The following ATP2C1 variants were observed in gnomAD, a reference collection of about 807,000 sequenced individuals.
ATP2C1 encodes ATPase secretory pathway Ca2+ transporting 1, also known as calcium-transporting ATPase type 2C member 1.
In ATP2C1, 31 loss-of-function variants were observed where a neutral mutation model predicts 120.5. The ratio of observed to expected loss-of-function variants is 0.26; its 90% confidence interval spans 0.19 to 0.35. The LOEUF (loss-of-function observed/expected upper bound fraction) is 0.35, where lower values mean the gene tolerates loss of function less well. ATP2C1 is among the 10% of genes least tolerant of loss of function. The pLI is 1.00. For synonymous variants in ATP2C1, 351 were observed against 358.7 expected (o/e 0.98, Z 0.24); for missense variants, 731 against 1,107.5 (o/e 0.66, Z 4.83).
intron 2 of ATP2C1, among the ~76,000 whole-genome samples, chr3:130,905,298 A>G (rs1032583586): frequency 2.0e-5 from 3 of 152,092 alleles, no homozygotes; most frequent in Non-Finnish European, 4.4e-5. Context: ...TATATAAATA[A>G]AAAACTGCCA....
Position 130,867,573 on chromosome 3 carries a change from G to C in ATP2C1, c.108+16645G>C, listed in dbSNP as rs1402423590. ...TCCCGAGGTGCCGGGATTGCAGACG[G>C]AGTCTCATTCACTCAGTGCTCAATG... On this transcript the variant is annotated intron_variant, in intron 1 of 26. Transcript: ENST00000504381. Among the ~76,000 whole-genome samples, 7 of 147,960 alleles carry C rather than the reference G, an allele frequency of 4.7e-5. No individual in the cohort carries two copies. In the South Asian group the frequency reaches 1.1e-3, roughly 23 times the overall value.
chr3:130,997,858 C>T (rs1395447718), intron 25 of ATP2C1, 105 bp downstream of exon 25: 7 of 1,187,498 alleles, frequency 5.9e-6, no homozygotes, highest in Admixed American at 1.9e-5. Context: ...GTTAAGGGAG[C>T]TCTTTTAGTG....
intron 8 of ATP2C1, among the ~76,000 whole-genome samples, chr3:130,946,681 TACTCAATG>T (rs1405599698): frequency 1.3e-5 from 2 of 152,242 alleles, no homozygotes; most frequent in Non-Finnish European, 2.9e-5. Context: ...ATGTTCCATT[TACTCAATG>T]AAAAAATACT....
intron 12 of ATP2C1, chr3:130,963,043 T>TTATGTCCTTATTTCTAGCAGATCA (rs1559980857): frequency 3.9e-5 from 6 of 152,032 alleles, no homozygotes; most frequent in African/African-American, 1.4e-4. Flanking sequence ...GTTAAATTGC[T>TTATGTCCTTATTTCTAGCAGATCA]TATGTCCTTA....
chr3:130,918,417 G>A, intron 2 of ATP2C1: 1 of 1,067,376 alleles, frequency 9.4e-7, no homozygotes, highest in East Asian at 2.4e-5. Context: ...CTTCTCAGCA[G>A]CATGTACGGA....
intron 17 of ATP2C1, among the ~76,000 whole-genome samples, chr3:130,971,660 G>C (rs1330671130): frequency 1.3e-5 from 2 of 152,110 alleles, no homozygotes; most frequent in Admixed American, 6.5e-5. Flanking sequence ...TGAAGGCAGG[G>C]AGTAAGGCAT....
chr3:130,906,691 TCC>T (rs2058140812), intron 2 of ATP2C1, among the ~76,000 whole-genome samples: 1 of 151,040 alleles, frequency 6.6e-6, no homozygotes. Flanking sequence ...TTTTTTTTTT[TCC>T]ATTGCATCCT....
At chr3:130,879,215 C>A (rs1457330948) in intron 1 of ATP2C1, among the ~76,000 whole-genome samples, 1 of 152,132 alleles carries the variant, frequency 6.6e-6, no homozygotes, top group Non-Finnish European at 1.5e-5. Flanking sequence ...GCACATGCCA[C>A]CATGCACAGC....
intron 8 of ATP2C1, among the ~76,000 whole-genome samples, chr3:130,953,541 C>T (rs1174975774): frequency 6.6e-6 from 1 of 152,082 alleles, no homozygotes; most frequent in Non-Finnish European, 1.5e-5. Context: ...AAGATTGAGT[C>T]TTAGCTAGTG....
chr3:131,016,615 A>G, exon 27 of ATP2C1: 2 of 443,414 alleles, frequency 4.5e-6, no homozygotes, highest in Non-Finnish European at 4.1e-6. Context: ...GACCATAAAC[A>G]TGTCTGCATT....
intron 12 of ATP2C1, among the ~76,000 whole-genome samples, chr3:130,961,059 T>C (rs2060795700): frequency 6.6e-6 from 1 of 151,830 alleles, no homozygotes; most frequent in South Asian, 2.1e-4. Context: ...ATATTTGTGA[T>C]ATAGTGAAAG....
At chr3:130,907,974 A>G (rs1375543302) in intron 2 of ATP2C1, among the ~76,000 whole-genome samples, 1 of 152,074 alleles carries the variant, frequency 6.6e-6, no homozygotes, top group Non-Finnish European at 1.5e-5. Context: ...ATAGAAGGCC[A>G]AAAGGTACAT....
chr3:130,866,607 T>C (rs2068184620), intron 1 of ATP2C1, among the ~76,000 whole-genome samples: 1 of 152,230 alleles, frequency 6.6e-6, no homozygotes, highest in South Asian at 2.1e-4. Flanking sequence ...AACTTTGTTC[T>C]TATTCTCTCA....
At chr3:130,986,165 T>A (rs1213683865) in intron 20 of ATP2C1, among the ~76,000 whole-genome samples, 1 of 145,238 alleles carries the variant, frequency 6.9e-6, no homozygotes, top group Non-Finnish European at 1.5e-5. Flanking sequence ...GGGGAAGGTG[T>A]TTATATATTT....
chr3:130,963,663 G>A (rs531276895), intron 12 of ATP2C1: 90 of 355,172 alleles, frequency 2.5e-4, no homozygotes, highest in African/African-American at 1.8e-3. Flanking sequence ...TTTTATAGAT[G>A]AGGACAGTAA....
chr3:130,951,396 T>G lies in ATP2C1; in HGVS notation c.532-2425T>G, dbSNP rs184065561. Among the ~76,000 whole-genome samples, 7 of 152,274 alleles carry G rather than the reference T, an allele frequency of 4.6e-5. No individual in the cohort carries two copies. The East Asian group carries it at 1.3e-3, about 29-fold the overall frequency. On this transcript the variant is annotated intron_variant, in intron 8 of 27. Coordinates refer to ENST00000510168, the MANE Select transcript of ATP2C1 (RefSeq NM_001378687.1). ...CAGATAATAATAGTAATTACTTGCC[T>G]CATAGGAGTTGTTAGTAGGATTAAA...
At chr3:130,924,642 T>C (rs896801617) in intron 2 of ATP2C1, among the ~76,000 whole-genome samples, 7 of 152,204 alleles carry the variant, frequency 4.6e-5, no homozygotes, top group Non-Finnish European at 1.0e-4. Context: ...AAGTTTTCCT[T>C]GATTATTTCC....
intron 1 of ATP2C1, among the ~76,000 whole-genome samples, chr3:130,864,193 C>A (rs908630643): frequency 6.6e-6 from 1 of 152,134 alleles, no homozygotes; most frequent in African/African-American, 2.4e-5. Context: ...TTGTTGAGAA[C>A]CGGAGTGAAG....
downstream of ATP2C1, among the ~76,000 whole-genome samples, chr3:131,004,260 C>T (rs1326295637): frequency 6.6e-6 from 1 of 152,198 alleles, no homozygotes; most frequent in Non-Finnish European, 1.5e-5. Flanking sequence ...TCCTGCAATC[C>T]AAACAGCAGC....
Sources: allele counts gnomAD v4.1 joint callset (sites outside exome capture counted in the v4.1 genomes callset), GRCh38; gene constraint gnomAD v4.1.1; transcripts MANE v1.5; gene names NCBI Gene and HGNC (gene_info 2026-07-23, HGNC 2026-07-21).